MGAT4C: variants seen among roughly 807,000 people sequenced by gnomAD.
MGAT4C encodes the protein alpha-1,3-mannosyl-glycoprotein 4-beta-N-acetylglucosaminyltransferase C.
In MGAT4C, 19 loss-of-function variants were observed where a neutral mutation model predicts 40.1. The observed-to-expected ratio is 0.47, with a 90% CI of 0.33 to 0.70. The LOEUF (loss-of-function observed/expected upper bound fraction) is 0.70, where lower values mean the gene tolerates loss of function less well. Among genes scored for constraint, MGAT4C ranks in the 30% least tolerant of loss-of-function variants. The pLI, the probability that MGAT4C is intolerant of heterozygous loss-of-function variation, is 0.02. For missense variants in MGAT4C, 491 were observed against 563.2 expected, an observed-to-expected ratio of 0.87 and a Z score of 1.30; for synonymous variants, 181 against 187.1, an observed-to-expected ratio of 0.97 and a Z score of 0.27.
chr12:85,989,279 A>C (rs1885607122), intron 3 of MGAT4C, 121 bp downstream of exon 3: 1 of 802,042 alleles, frequency 1.2e-6, no homozygotes, highest in South Asian at 3.1e-5. Context: ...TACATGTTAT[A>C]ATTTTGCTCA....
intron 1 of MGAT4C, among the ~76,000 whole-genome samples, chr12:86,247,118 T>C (rs1026539975): frequency 3.5e-4 from 53 of 152,352 alleles, no homozygotes; most frequent in African/African-American, 1.1e-3. Context: ...TTTTTTATTA[T>C]TCTGTGCATA....
rs1395637823 is a variant in MGAT4C, at chr12:85,966,111, A to G, written c.*13178T>C. 6.6e-6 allele frequency: 1 copy of G among 152,192 alleles called. No individual in the cohort carries two copies. Among genetic ancestry groups the G allele is most frequent in the African/African-American group, 2.4e-5 (1 of 41,456 alleles). 9.4% of individuals were successfully genotyped at this position (152,192 alleles called of 1,614,324 possible). A position where few individuals can be genotyped will look rare whatever the true frequency, so the allele number is the denominator to read the frequency against. On this transcript the variant is annotated 3_prime_UTR_variant, in exon 5 of 5. Transcript: ENST00000611864. ...TTGCATCCAAAATAATTCATAAAAC[A>G]TTTATTTTTGTACTATTAAAAATCT...
intron 2 of MGAT4C, among the ~76,000 whole-genome samples, chr12:86,610,123 A>G (rs147356505): frequency 2.2e-3 from 340 of 152,280 alleles, no homozygotes; most frequent in African/African-American, 7.1e-3. Flanking sequence ...TTCTCCATCA[A>G]CATCAAGGGA....
At chr12:86,822,871 A>C (rs572582028) in intron 1 of MGAT4C, among the ~76,000 whole-genome samples, 1 of 151,252 alleles carries the variant, frequency 6.6e-6, no homozygotes, top group South Asian at 2.1e-4. Context: ...ATTCTTCACC[A>C]GTGCACATAG....
chr12:86,428,238 G>C (rs542837321), intron 3 of MGAT4C, among the ~76,000 whole-genome samples: 1 of 152,306 alleles, frequency 6.6e-6, no homozygotes, highest in East Asian at 1.9e-4. Flanking sequence ...AGGAAATGCA[G>C]AGTGTACAGT....
At chr12:86,269,022 ATATATATAT>A (rs1952871105) in intron 4 of MGAT4C, among the ~76,000 whole-genome samples, 1 of 24,554 alleles carries the variant, frequency 4.1e-5, no homozygotes, top group African/African-American at 1.6e-4. Context: ...ACATATATAT[ATATATATAT>A]ATATATATAT....
chr12:86,788,591 T>A (rs1951973550), intron 1 of MGAT4C, among the ~76,000 whole-genome samples: 2 of 152,098 alleles, frequency 1.3e-5, no homozygotes, highest in Admixed American at 1.3e-4. Context: ...TTGGCCAGAG[T>A]CAATTTATGT....
Position 85,968,016 on chromosome 12 carries a change from T to G in MGAT4C, c.*11273A>C, listed in dbSNP as rs1410624286. The stretch of plus-strand genomic sequence containing the variant: ...TAGAGCAAGTCAATATGACTTGTTC[T>G]GTTTCAGCTATCTGAAATTTAAAAA... On this transcript the variant is annotated 3_prime_UTR_variant, in exon 5 of 5. Transcript: ENST00000611864. The G allele has an allele frequency of 6.6e-6, 1 of 152,106 alleles. No individual in the cohort carries two copies. Among genetic ancestry groups the G allele is most frequent in the African/African-American group, 2.4e-5 (1 of 41,462 alleles). 9.4% of individuals were successfully genotyped at this position (152,106 alleles called of 1,614,324 possible). A position where few individuals can be genotyped will look rare whatever the true frequency, so the allele number is the denominator to read the frequency against.
At chr12:86,094,549 T>C (rs1330988900) in intron 1 of MGAT4C, among the ~76,000 whole-genome samples, 1 of 152,172 alleles carries the variant, frequency 6.6e-6, no homozygotes, top group Non-Finnish European at 1.5e-5. Context: ...AATTAAGCTA[T>C]TCACCTAATG....
chr12:86,122,143 A>G (rs1879471469), intron 1 of MGAT4C, among the ~76,000 whole-genome samples: 1 of 152,198 alleles, frequency 6.6e-6, no homozygotes, highest in African/African-American at 2.4e-5. Flanking sequence ...GAAAATTAAT[A>G]CCATGTTTCT....
At chr12:86,036,820 G>A (rs923678106) in intron 2 of MGAT4C, among the ~76,000 whole-genome samples, 5 of 149,940 alleles carry the variant, frequency 3.3e-5, no homozygotes, top group Non-Finnish European at 7.5e-5. Flanking sequence ...AATGAGTTAG[G>A]GAGGTGTCCC....
intron 2 of MGAT4C, among the ~76,000 whole-genome samples, chr12:86,526,675 C>A (rs1242548747): frequency 1.3e-5 from 2 of 152,188 alleles, no homozygotes; most frequent in African/African-American, 4.8e-5. Context: ...GAGTTCAGGT[C>A]TGACAGTTTC....
chr12:86,303,792 AT>A (rs1206055576), intron 4 of MGAT4C, among the ~76,000 whole-genome samples: 1 of 150,542 alleles, frequency 6.6e-6, no homozygotes, highest in Non-Finnish European at 1.5e-5. Flanking sequence ...GCTAGAACAT[AT>A]TAGTTTTCAA....
chr12:86,725,200 G>A (rs1158409099), intron 2 of MGAT4C, among the ~76,000 whole-genome samples: 2 of 152,160 alleles, frequency 1.3e-5, no homozygotes, highest in African/African-American at 4.8e-5. Flanking sequence ...GACTTCCTTA[G>A]AAGCTAGAGT....
intron 1 of MGAT4C, among the ~76,000 whole-genome samples, chr12:86,058,524 T>C (rs180767365): frequency 2.2e-4 from 34 of 152,274 alleles, no homozygotes; most frequent in African/African-American, 7.9e-4. Context: ...TTTAAGCATA[T>C]TATTGTCATC....
At chr12:86,747,058 T>C (rs1327157913) in intron 1 of MGAT4C, among the ~76,000 whole-genome samples, 2 of 151,588 alleles carry the variant, frequency 1.3e-5, no homozygotes, top group Admixed American at 6.6e-5. Flanking sequence ...ACTTGGAACC[T>C]GATGAACTGA....
intron 2 of MGAT4C, among the ~76,000 whole-genome samples, chr12:86,626,654 A>G (rs1318425821): frequency 2.6e-5 from 4 of 152,236 alleles, no homozygotes; most frequent in Non-Finnish European, 5.9e-5. Flanking sequence ...TGTTATTATT[A>G]AGATTATGGA....
intron 2 of MGAT4C, among the ~76,000 whole-genome samples, chr12:86,047,742 A>G (rs192102777): frequency 2.0e-5 from 3 of 152,228 alleles, no homozygotes. Flanking sequence ...ATCCTTATTA[A>G]AGATCTGAGA....
At chr12:86,222,948 C>G (rs540852792) in intron 1 of MGAT4C, among the ~76,000 whole-genome samples, 1 of 152,256 alleles carries the variant, frequency 6.6e-6, no homozygotes, top group South Asian at 2.1e-4. Context: ...ATTTTACAAC[C>G]CTAACTATGG....
Sources: allele counts gnomAD v4.1 joint callset (sites outside exome capture counted in the v4.1 genomes callset), GRCh38; gene constraint gnomAD v4.1.1; transcripts MANE v1.5; gene names NCBI Gene and HGNC (gene_info 2026-07-23, HGNC 2026-07-21).